FAM47E: variants seen among roughly 807,000 people sequenced by gnomAD.
FAM47E encodes protein FAM47E.
A neutral mutation model predicts 41.6 loss-of-function variants in FAM47E; 32 were observed. That is an observed-to-expected ratio of 0.77 (90% CI 0.58 to 1.03). FAM47E has a LOEUF of 1.03. Among genes scored for constraint, FAM47E ranks in the 50% least tolerant of loss-of-function variants. The pLI is 0.00. For synonymous variants in FAM47E, 184 were observed against 188.7 expected (o/e 0.98, Z 0.20); for missense variants, 424 against 485.4 (o/e 0.87, Z 1.19).
chr4:76,274,950 G>A (rs1254818313), intron 5 of FAM47E, among the ~76,000 whole-genome samples: 1 of 152,132 alleles, frequency 6.6e-6, no homozygotes, highest in Non-Finnish European at 1.5e-5. Flanking sequence ...GGCTCCTCCT[G>A]GGCTCTCCCT....
chr4:76,218,262 T>C (rs981038718), intron 2 of FAM47E, among the ~76,000 whole-genome samples: 1 of 152,228 alleles, frequency 6.6e-6, no homozygotes, highest in Non-Finnish European at 1.5e-5. Flanking sequence ...ACATATGTTA[T>C]TCCTAAATGT....
intron 2 of FAM47E, among the ~76,000 whole-genome samples, chr4:76,240,559 T>G (rs11737624): frequency 0.73 from 111,036 of 152,068 alleles, 41,620 homozygotes; most frequent in East Asian, 0.82. Flanking sequence ...CTACAGGTCC[T>G]TTAGGCTCTG....
At chr4:76,239,819 G>A (rs1733669267) in intron 2 of FAM47E, among the ~76,000 whole-genome samples, 1 of 151,970 alleles carries the variant, frequency 6.6e-6, no homozygotes, top group Non-Finnish European at 1.5e-5. Context: ...CTAATGTTGT[G>A]AACTTTTGCC....
chr4:76,254,312 G>C (rs1343039497), intron 1 of FAM47E, among the ~76,000 whole-genome samples: 1 of 152,098 alleles, frequency 6.6e-6, no homozygotes, highest in Non-Finnish European at 1.5e-5. Context: ...TGAAGTGCTT[G>C]GATGCATGAG....
chr4:76,278,076 A>G lies in FAM47E; in HGVS notation c.878A>G (p.Tyr293Cys), dbSNP rs1024163713. Residue 293 changes from tyrosine to cysteine, a missense_variant, in exon 6 of 8, where the codon TAT becomes TGT. Physicochemically the swap from Tyr to Cys is radical, Grantham distance 194. Transcript: ENST00000424749. ...TTATGTTACTTTCCACAGAATCCTT[A>G]TAAGCCAAAGTGGGTGAAGATGAGG... is the stretch of plus-strand genomic sequence containing the variant. Reference protein sequence around the residue: ...ERKLQKPQNPYKPKWVKMRYG... With the variant: ...ERKLQKPQNPCKPKWVKMRYG... 6 of 1,504,336 alleles carry G rather than the reference A, an allele frequency of 4.0e-6. No individual in the cohort carries two copies. In the African/African-American group the frequency reaches 5.7e-5, roughly 14 times the overall value. 93.2% of individuals were successfully genotyped at this position (1,504,336 alleles called of 1,614,324 possible). A position where few individuals can be genotyped will look rare whatever the true frequency, so the allele number is the denominator to read the frequency against.
At chr4:76,241,982 G>GGGGAAC (rs1733721814) in intron 2 of FAM47E, among the ~76,000 whole-genome samples, 2 of 152,108 alleles carry the variant, frequency 1.3e-5, no homozygotes, top group Admixed American at 1.3e-4. Flanking sequence ...AAGGAGAAAG[G>GGGGAAC]GGGAACATCT....
At chr4:76,282,545 G>A (rs1461551891) in intron 7 of FAM47E, 2 of 152,164 alleles carry the variant, frequency 1.3e-5, no homozygotes, top group African/African-American at 4.8e-5. Flanking sequence ...GGCTCGTTCT[G>A]GCAGCCCAAC....
At position 76,255,789 on chromosome 4, in the gene FAM47E, CAAG is replaced by C. The variant is rs150312011; in HGVS notation, c.75-385_75-383del. On this transcript the variant is annotated intron_variant, in intron 1 of 7. Coordinates refer to ENST00000424749, the MANE Select transcript of FAM47E (RefSeq NM_001136570.3). Reference sequence around the variant, plus strand: ...TCTTTAAAATATAGTGCTGGGTAAACAAGAAGCAGAATAGTGCCATTTACGTAA... The same window carrying C: ...TCTTTAAAATATAGTGCTGGGTAAACAAGCAGAATAGTGCCATTTACGTAA... Among the ~76,000 whole-genome samples, 51 of 152,190 alleles carry C rather than the reference CAAG, an allele frequency of 3.4e-4. 1 individual carries two copies. The East Asian group carries it at 9.8e-3, about 29-fold the overall frequency.
intron 2 of FAM47E, among the ~76,000 whole-genome samples, chr4:76,225,557 C>T (rs1177210512): frequency 6.6e-6 from 1 of 152,150 alleles, no homozygotes; most frequent in Admixed American, 6.5e-5. Context: ...TTAAGGTATG[C>T]CCCTTCTATT....
chr4:76,273,952 A>G (rs1218393981), intron 5 of FAM47E, among the ~76,000 whole-genome samples: 1 of 152,008 alleles, frequency 6.6e-6, no homozygotes, highest in Non-Finnish European at 1.5e-5. Context: ...AGTTTAACTT[A>G]GGTCTTTTTA....
intron 1 of FAM47E, among the ~76,000 whole-genome samples, chr4:76,253,512 A>G (rs1413430367): frequency 6.6e-6 from 1 of 152,162 alleles, no homozygotes; most frequent in African/African-American, 2.4e-5. Context: ...GCCAAGCAAG[A>G]TTTTTCCTGA....
At chr4:76,238,364 G>T (rs1324639867) in intron 2 of FAM47E, among the ~76,000 whole-genome samples, 2 of 152,180 alleles carry the variant, frequency 1.3e-5, no homozygotes, top group African/African-American at 4.8e-5. Context: ...GAAACTGTTT[G>T]TCCCTTTCTA....
At chr4:76,259,459 G>A (rs2119731) in intron 2 of FAM47E, among the ~76,000 whole-genome samples, 85,593 of 151,986 alleles carry the variant, frequency 0.56, 24,726 homozygotes, top group Middle Eastern at 0.65. Flanking sequence ...TTTAAAATCA[G>A]TGATATACAA....
chr4:76,238,358 CTGTT>C (rs1297459676), intron 2 of FAM47E, among the ~76,000 whole-genome samples: 4 of 152,182 alleles, frequency 2.6e-5, no homozygotes, highest in South Asian at 2.1e-4. Context: ...CTCAGGGAAA[CTGTT>C]TGTCCCTTTC....
intron 2 of FAM47E, among the ~76,000 whole-genome samples, chr4:76,242,510 G>T (rs1733732636): frequency 6.6e-6 from 1 of 152,154 alleles, no homozygotes; most frequent in Non-Finnish European, 1.5e-5. Context: ...TATTTCTTTA[G>T]AGCAATGTAA....
In FAM47E at chr4:76,233,261, G is replaced by T. The variant is rs912627667; in HGVS notation, c.81+15573G>T. On this transcript the variant is annotated intron_variant, in intron 2 of 7. Coordinates refer to the FAM47E transcript ENST00000510197. ...TTTTGCCTTCTTAATTAAGGGTGTG[G>T]TTAGTTCCATGTGTCCCCAGGCCTT... Among the ~76,000 whole-genome samples, 3 of 148,776 alleles carry T rather than the reference G, an allele frequency of 2.0e-5. No individual in the cohort carries two copies. The South Asian group carries it at 6.6e-4, about 33-fold the overall frequency.
rs888733956 is a variant in FAM47E at position 76,268,380 on chromosome 4, C to T, written c.561-280C>T. The T allele has an allele frequency of 5.3e-5, 16 of 300,522 alleles. 1 individual carries two copies. Among genetic ancestry groups the T allele is most frequent in the Non-Finnish European group, 9.8e-5 (16 of 163,844 alleles). 18.6% of individuals were successfully genotyped at this position (300,522 alleles called of 1,614,324 possible). ...CAGTAATTTGGGCTTTTACCCAGTA[C>T]ATGTTTTAATAAATGGTACTCAAAA... On this transcript the variant is annotated intron_variant, in intron 3 of 7. Coordinates refer to ENST00000424749, the MANE Select transcript of FAM47E (RefSeq NM_001136570.3).
chr4:76,229,849 C>G (rs530414200), intron 2 of FAM47E, among the ~76,000 whole-genome samples: 112 of 152,216 alleles, frequency 7.4e-4, no homozygotes, highest in Middle Eastern at 3.4e-3. Context: ...GTGGACAGAC[C>G]CAGGCCATCT....
intron 2 of FAM47E, chr4:76,236,794 G>A (rs35851125): frequency 0.73 from 110,836 of 151,878 alleles, 41,533 homozygotes; most frequent in East Asian, 0.82. Context: ...AAATGTCTGG[G>A]TTAAGACAAA....
Sources: gnomAD v4.1 joint callset for allele counts (sites outside exome capture counted in the v4.1 genomes callset) on GRCh38, gnomAD v4.1.1 for gene constraint, MANE v1.5 for transcripts, NCBI Gene and HGNC (gene_info 2026-07-23, HGNC 2026-07-21) for gene names.